The following VAPA variants were observed in gnomAD, a reference collection of about 807,000 sequenced individuals.
VAPA encodes the protein vesicle-associated membrane protein-associated protein A.
In VAPA, 6 loss-of-function variants were observed where a neutral mutation model predicts 25.6. The ratio of observed to expected loss-of-function variants is 0.23; its 90% CI spans 0.13 to 0.46. VAPA has a LOEUF of 0.46. Among genes scored for constraint, VAPA ranks in the 20% least tolerant of loss-of-function variants. The pLI is 0.99. For synonymous variants in VAPA, 112 were observed against 106.2 expected, an observed-to-expected ratio of 1.05 and a Z score of -0.34; for missense variants, 244 against 302.1, an observed-to-expected ratio of 0.81 and a Z score of 1.43.
chr18:9,935,234 T>C (rs1163236787), intron 2 of VAPA, among the ~76,000 whole-genome samples: 3 of 152,112 alleles, frequency 2.0e-5, no homozygotes, highest in African/African-American at 2.4e-5. Context: ...AACTCTGAAA[T>C]AGATGTTTAT....
At chr18:9,935,473 C>G (rs2069299898) in intron 2 of VAPA, among the ~76,000 whole-genome samples, 1 of 152,102 alleles carries the variant, frequency 6.6e-6, no homozygotes, top group African/African-American at 2.4e-5. Flanking sequence ...ATTTAGGAGC[C>G]TGAAGTGGGA....
chr18:9,918,014 T>G (rs908687876), intron 1 of VAPA, among the ~76,000 whole-genome samples: 2 of 152,096 alleles, frequency 1.3e-5, no homozygotes, highest in African/African-American at 4.8e-5. Flanking sequence ...TTTTTTTTTT[T>G]CAGTAAGACA....
chr18:9,936,034 T>C (rs2069306517), intron 2 of VAPA, 76 bp from the exon 3 acceptor site: 1 of 1,031,040 alleles, frequency 9.7e-7, no homozygotes, highest in East Asian at 2.7e-5. Context: ...TAGTATAATT[T>C]AATCTGTAAC....
At chr18:9,951,633 A>G (rs2069491236) in intron 5 of VAPA, among the ~76,000 whole-genome samples, 1 of 152,182 alleles carries the variant, frequency 6.6e-6, no homozygotes, top group Non-Finnish European at 1.5e-5. Flanking sequence ...TTGTTTCAAG[A>G]CCTAAATACC....
intron 4 of VAPA, among the ~76,000 whole-genome samples, chr18:9,938,423 C>G (rs919568110): frequency 6.6e-6 from 1 of 152,174 alleles, no homozygotes; most frequent in African/African-American, 2.4e-5. Context: ...ACGGCAATGA[C>G]AGTTGAACCT....
chr18:9,933,818 G>GTGA (rs2069280797), intron 2 of VAPA, among the ~76,000 whole-genome samples: 1 of 152,186 alleles, frequency 6.6e-6, no homozygotes, highest in African/African-American at 2.4e-5. Context: ...GATTACAGGC[G>GTGA]TGAGCCACTG....
rs928143649 is a variant in VAPA at position 9,958,013 on chromosome 18, A to G, written c.*3802A>G. 1 of 152,218 alleles carries G rather than the reference A, an allele frequency of 6.6e-6. No individual in the cohort carries two copies. Among genetic ancestry groups the G allele is most frequent in the Non-Finnish European group, 1.5e-5 (1 of 68,052 alleles). The allele number at this position is 152,218 out of a possible 1,614,324, so 9.4% of individuals were successfully genotyped here. A position where few individuals can be genotyped will look rare whatever the true frequency, so the allele number is the denominator to read the frequency against. On this transcript the variant is annotated 3_prime_UTR_variant, in exon 6 of 6. Coordinates refer to ENST00000400000, the MANE Select transcript of VAPA (RefSeq NM_194434.3). ...TAAACATATATCACTAAGGAAAAAG[A>G]AAGTTTGTCTTGCCCTTCTGACACA...
At position 9,954,269 on chromosome 18, in the gene VAPA, T is replaced by C; in HGVS notation, c.*58T>C. 1 of 1,487,476 alleles carries C rather than the reference T, an allele frequency of 6.7e-7. No individual in the cohort carries two copies. Among genetic ancestry groups the C allele is most frequent in the Non-Finnish European group, 9.1e-7 (1 of 1,097,418 alleles). The allele number at this position is 1,487,476 out of a possible 1,614,324, so 92.1% of individuals were successfully genotyped here. A position where few individuals can be genotyped will look rare whatever the true frequency, so the allele number is the denominator to read the frequency against. On this transcript the variant is annotated 3_prime_UTR_variant, in exon 6 of 6. Coordinates refer to ENST00000400000, the MANE Select transcript of VAPA (RefSeq NM_194434.3). Reference sequence around the variant, plus strand: ...TTTTTTCTCTTGACCAGAAAAAGATTTGTTTACCTACCATTTCATTGGTAG... The same window carrying C: ...TTTTTTCTCTTGACCAGAAAAAGATCTGTTTACCTACCATTTCATTGGTAG...
At chr18:9,940,792 T>G (rs1599111072) in intron 4 of VAPA, among the ~76,000 whole-genome samples, 1 of 152,318 alleles carries the variant, frequency 6.6e-6, no homozygotes, top group African/African-American at 2.4e-5. Context: ...TGTTTATAAT[T>G]TACATTTCAA....
chr18:9,925,874 G>A (rs1369625994), intron 1 of VAPA, among the ~76,000 whole-genome samples: 1 of 151,880 alleles, frequency 6.6e-6, no homozygotes, highest in East Asian at 1.9e-4. Context: ...GCTTTATTGT[G>A]GCAGAAGTCT....
intron 2 of VAPA, among the ~76,000 whole-genome samples, chr18:9,932,316 A>T (rs2069263829): frequency 6.6e-6 from 1 of 152,228 alleles, no homozygotes; most frequent in African/African-American, 2.4e-5. Context: ...TACACATTGC[A>T]TGCAGCTATA....
At position 9,929,519 on chromosome 18, in the gene VAPA, A is replaced by G. The variant is rs148499035; in HGVS notation, c.80-2291A>G. On this transcript the variant is annotated intron_variant, in intron 1 of 5. Coordinates refer to ENST00000400000, the MANE Select transcript of VAPA (RefSeq NM_194434.3). ...CTCATTTTACCTTCCATAAAAGTCA[A>G]TGTAAAATGTTTTTGAATATTTACC... Among the ~76,000 whole-genome samples, 4 of 152,256 alleles carry G rather than the reference A, an allele frequency of 2.6e-5. No individual in the cohort carries two copies. The East Asian group carries it at 7.7e-4, about 29-fold the overall frequency.
intron 4 of VAPA, among the ~76,000 whole-genome samples, chr18:9,945,350 CTTTTTTT>C (rs869048248): frequency 6.1e-4 from 35 of 57,302 alleles, no homozygotes; most frequent in Middle Eastern, 0.022. Flanking sequence ...GGAATATACT[CTTTTTTT>C]TTTTTTTTTT....
chr18:9,928,899 G>A (rs569264339), intron 1 of VAPA, among the ~76,000 whole-genome samples: 1 of 152,104 alleles, frequency 6.6e-6, no homozygotes, highest in East Asian at 1.9e-4. Flanking sequence ...AGAGTTATCC[G>A]AGTAGTACTG....
rs1012900154 is a variant in VAPA, at chr18:9,958,939, T to C, written c.*4728T>C. 3.3e-5 allele frequency: 5 copies of C among 152,236 alleles called. No individual in the cohort carries two copies. Among genetic ancestry groups the C allele is most frequent in the African/African-American group, 9.6e-5 (4 of 41,460 alleles). 9.4% of individuals were successfully genotyped at this position (152,236 alleles called of 1,614,324 possible). On this transcript the variant is annotated 3_prime_UTR_variant, in exon 6 of 6. Transcript: ENST00000400000. ...TGTACCTACCTACCTGAGAAATTTATTTTGTCCATCATGTATTTCTCAAAG... is the reference window on the plus strand; with the variant it reads ...TGTACCTACCTACCTGAGAAATTTACTTTGTCCATCATGTATTTCTCAAAG...
At chr18:9,953,473 C>G (rs2069510820) in intron 5 of VAPA, among the ~76,000 whole-genome samples, 1 of 152,240 alleles carries the variant, frequency 6.6e-6, no homozygotes, top group Non-Finnish European at 1.5e-5. Flanking sequence ...TCACGCTAAA[C>G]TGTTTCCTTC....
At chr18:9,923,782 G>GT (rs970993272) in intron 1 of VAPA, 4 of 152,186 alleles carry the variant, frequency 2.6e-5, no homozygotes, top group Admixed American at 6.5e-5. Context: ...AATTTTTTCA[G>GT]TTTTTTCTTC....
At chr18:9,914,462 C>T in intron 1 of VAPA, 127 bp downstream of exon 1, 1 of 769,646 alleles carries the variant, frequency 1.3e-6, no homozygotes, top group Non-Finnish European at 1.9e-6. Flanking sequence ...CGCCCCGGCG[C>T]CTTCCCTTTC....
rs2143477116 is a variant in VAPA, at chr18:9,959,900, T to A, written c.*5689T>A. The A allele has an allele frequency of 6.6e-6, 1 of 152,250 alleles. No homozygotes were observed. Among genetic ancestry groups the A allele is most frequent in the South Asian group, 2.1e-4 (1 of 4,828 alleles). The allele number at this position is 152,250 out of a possible 1,614,324, so 9.4% of individuals were successfully genotyped here. A position where few individuals can be genotyped will look rare whatever the true frequency, so the allele number is the denominator to read the frequency against. ...CTGTTTTAATTCAAAATGTATATCC[T>A]TAATTGTATATAATATGTAGATAAA... On this transcript the variant is annotated 3_prime_UTR_variant, in exon 6 of 6. Coordinates refer to ENST00000400000, the MANE Select transcript of VAPA (RefSeq NM_194434.3).
Sources: gnomAD v4.1 joint callset for allele counts (sites outside exome capture counted in the v4.1 genomes callset) on GRCh38, gnomAD v4.1.1 for gene constraint, MANE v1.5 for transcripts, NCBI Gene and HGNC (gene_info 2026-07-23, HGNC 2026-07-21) for gene names.